Variants in STAG2 observed in about 807,000 individuals in gnomAD.
STAG2 encodes STAG2 cohesin complex component.
A neutral mutation model predicts 108.1 loss-of-function variants in STAG2; 14 were observed. That is an observed-to-expected ratio of 0.13 (90% CI 0.09 to 0.20). STAG2 has a LOEUF of 0.20. Among genes scored for constraint, STAG2 ranks in the 10% least tolerant of loss-of-function variants. STAG2 has a pLI of 1.00. For synonymous variants in STAG2, 307 were observed against 302.7 expected (o/e 1.01, Z -0.15); for missense variants, 440 against 940.9 (o/e 0.47, Z 6.96).
intron 27 of STAG2, among the ~76,000 whole-genome samples, chrX:124,079,628 G>A (rs1164736157): frequency 9.0e-6 from 1 of 111,379 alleles, no homozygotes; most frequent in Non-Finnish European, 1.9e-5. Context: ...AGAAAATGAA[G>A]AAAGAAAAAT....
At chrX:123,977,458 C>A (rs2054672512) in intron 1 of STAG2, among the ~76,000 whole-genome samples, 1 of 110,635 alleles carries the variant, frequency 9.0e-6, no homozygotes, top group Admixed American at 9.7e-5. Context: ...TTTTTCCCCC[C>A]CTCCGGTATC....
intron 1 of STAG2, among the ~76,000 whole-genome samples, chrX:124,012,385 C>G (rs1178924380): frequency 1.8e-5 from 2 of 111,861 alleles, no homozygotes; most frequent in African/African-American, 6.5e-5. Flanking sequence ...TATGTGTCTC[C>G]TGTTGTTACC....
At chrX:124,062,170 T>C (rs1235513858) in intron 17 of STAG2, among the ~76,000 whole-genome samples, 1 of 111,694 alleles carries the variant, frequency 9.0e-6, no homozygotes, top group Non-Finnish European at 1.9e-5. Context: ...TGGATTTGCT[T>C]TCTATTTCTT....
chrX:124,094,250 G>A (rs1161610636), intron 33 of STAG2, 106 bp downstream of exon 33: 4 of 830,828 alleles, frequency 4.8e-6, no homozygotes, highest in Non-Finnish European at 6.8e-6. Context: ...AGTAAGTTTT[G>A]CAAAAATATT....
At chrX:124,026,017 T>C in intron 4 of STAG2, 99 bp downstream of exon 4, 1 of 612,573 alleles carries the variant, frequency 1.6e-6, no homozygotes, top group Non-Finnish European at 2.5e-6. Flanking sequence ...AAAAATGGCT[T>C]TTTAAGGGGG....
chrX:124,017,270 T>TG (rs2056762336), intron 1 of STAG2, among the ~76,000 whole-genome samples: 1 of 109,098 alleles, frequency 9.2e-6, no homozygotes, highest in South Asian at 4.0e-4. Context: ...ATTGCAGTGG[T>TG]GTGTTCTCGG....
At chrX:124,009,372 T>C (rs1345646087) in intron 1 of STAG2, among the ~76,000 whole-genome samples, 1 of 108,299 alleles carries the variant, frequency 9.2e-6, no homozygotes, top group East Asian at 2.9e-4. Flanking sequence ...CCTAATGATA[T>C]CTGGTACCAG....
intron 1 of STAG2, among the ~76,000 whole-genome samples, chrX:123,980,557 A>G (rs934734387): frequency 2.7e-5 from 3 of 111,903 alleles, no homozygotes; most frequent in African/African-American, 6.5e-5. Context: ...ATGATCAACA[A>G]TTATCCTTAT....
chrX:124,002,809 T>TTTCA (rs1353763660), intron 1 of STAG2, among the ~76,000 whole-genome samples: 1 of 103,029 alleles, frequency 9.7e-6, no homozygotes, highest in Non-Finnish European at 2.0e-5. Flanking sequence ...TCTTTCTTTC[T>TTTCA]TTCTTTTTTT....
chrX:123,997,563 A>G (rs916885207), intron 1 of STAG2, among the ~76,000 whole-genome samples: 1 of 112,495 alleles, frequency 8.9e-6, no homozygotes, highest in Non-Finnish European at 1.9e-5. Flanking sequence ...GTAGAATAAT[A>G]GAATATTTGT....
chrX:124,009,443 G>GTAGATAGATAGA lies in STAG2; in HGVS notation c.-162-11901_-162-11890dup, dbSNP rs1160208021. ...GGTAGGTAGGTAGGTAGGTAGGTAG[G>GTAGATAGATAGA]TAGATAGATAGATAGATAGATAGAT... On this transcript the variant is annotated intron_variant, in intron 1 of 34. Transcript: ENST00000371145. Among the ~76,000 whole-genome samples the GTAGATAGATAGA allele has an allele frequency of 8.3e-4, 53 of 63,594 alleles. 1 individual carries two copies. The highest frequency in any genetic ancestry group is 6.5e-3 in the East Asian group (11 of 1,704). 55.2% of individuals were successfully genotyped at this position (63,594 alleles called of 115,157 possible). A position where few individuals can be genotyped will look rare whatever the true frequency, so the allele number is the denominator to read the frequency against.
In STAG2 at chrX:124,101,738, CTG is replaced by C; in HGVS notation, c.*1143_*1144del. ...TCTAACAGGTTACAGTACATTTCCTCTGTATGTAAATTAGATGGGATAATAGA... is the reference window on the plus strand; with the variant it reads ...TCTAACAGGTTACAGTACATTTCCTCTATGTAAATTAGATGGGATAATAGA... On this transcript the variant is annotated 3_prime_UTR_variant, in exon 35 of 35. Transcript: ENST00000371145. 1 of 163,308 alleles carries C rather than the reference CTG, an allele frequency of 6.1e-6. No individual in the cohort carries two copies. The highest frequency in any genetic ancestry group is 3.1e-4 in the South Asian group (1 of 3,253). The allele number at this position is 163,308 out of a possible 1,213,427, so 13.5% of individuals were successfully genotyped here.
intron 29 of STAG2, 34 bp from the exon 30 acceptor site, chrX:124,086,513 G>T: frequency 9.1e-7 from 1 of 1,101,674 alleles, no homozygotes; most frequent in Non-Finnish European, 1.3e-6. Flanking sequence ...ACAGATTTCT[G>T]TATCAAAGCT....
intron 1 of STAG2, among the ~76,000 whole-genome samples, chrX:123,996,926 C>G (rs1179589497): frequency 8.9e-6 from 1 of 112,352 alleles, no homozygotes; most frequent in Non-Finnish European, 1.9e-5. Context: ...GCATATGGTA[C>G]AAGGTATGGA....
At chrX:124,016,568 T>C (rs1180643685) in intron 1 of STAG2, among the ~76,000 whole-genome samples, 1 of 111,874 alleles carries the variant, frequency 8.9e-6, no homozygotes, top group East Asian at 2.8e-4. Context: ...ATTTTTAGTA[T>C]TTAGAAGCTT....
At chrX:124,032,894 A>G (rs1288155941) in intron 5 of STAG2, among the ~76,000 whole-genome samples, 1 of 112,517 alleles carries the variant, frequency 8.9e-6, no homozygotes, top group African/African-American at 3.2e-5. Context: ...ACTGACACAA[A>G]TACCTTGTTT....
In STAG2 at chrX:124,010,709, G is replaced by C. The variant is rs374877432; in HGVS notation, c.-162-10658G>C. On this transcript the variant is annotated intron_variant, in intron 1 of 34. Transcript: ENST00000371145. ...TTCAGTGTTGTTTTGTTATAATGTT[G>C]ATGAGGAAAAAAATTGGTTTCATTC... Among the ~76,000 whole-genome samples, 5 of 111,188 alleles carry C rather than the reference G, an allele frequency of 4.5e-5. No individual in the cohort carries two copies. The East Asian group carries it at 1.1e-3, about 25-fold the overall frequency.
At position 124,061,743 on chromosome X, in the gene STAG2, CTT is replaced by C. The variant is rs36097834; in HGVS notation, c.1535-4_1535-3del. On this transcript the variant is annotated intron_variant, in intron 16 of 34. Transcript: ENST00000371145. ...GAAGAAATAAGCTAACTCTTTCTGA[CTT>C]TTTTTTTTTTTTTTTTTTTTTTTAG... 0.081 allele frequency: 35,358 copies of C among 438,694 alleles called. 4 individuals are homozygous for C. The highest frequency in any genetic ancestry group is 0.11 in the East Asian group (1,950 of 17,222). The allele number at this position is 438,694 out of a possible 1,213,427, so 36.2% of individuals were successfully genotyped here.
chrX:123,960,569 G>A (rs1411933628), upstream of STAG2: 3 of 76,267 alleles, frequency 3.9e-5, no homozygotes, highest in South Asian at 9.8e-4. Flanking sequence ...AGTCGCCGAA[G>A]AGCGAACACC....
Sources: allele counts gnomAD v4.1 joint callset (sites outside exome capture counted in the v4.1 genomes callset), GRCh38; gene constraint gnomAD v4.1.1; transcripts MANE v1.5; gene names NCBI Gene and HGNC (gene_info 2026-07-23, HGNC 2026-07-21).